OR7E24: variants seen among roughly 807,000 people sequenced by gnomAD.
OR7E24 encodes olfactory receptor 7E24.
For synonymous variants in OR7E24, 130 were observed against 157.5 expected (o/e 0.83, Z 1.31); for missense variants, 385 against 410.3 (o/e 0.94, Z 0.53).
At chr19:9,211,846 T>G in the OR7E24 span, 1 of 150,574 alleles carries the variant, frequency 6.6e-6, no homozygotes, top group Non-Finnish European at 1.5e-5. Context: ...TTTATTTACA[T>G]GGTTCATTCA....
chr19:9,206,837 G>A, the OR7E24 span: 1 of 152,138 alleles, frequency 6.6e-6, no homozygotes, highest in African/African-American at 2.4e-5. Flanking sequence ...TATGTGTGAC[G>A]AACTTGTTCA....
At chr19:9,231,288 A>G in the OR7E24 span, among the ~76,000 whole-genome samples, 70 of 151,440 alleles carry the variant, frequency 4.6e-4, no homozygotes, top group African/African-American at 1.7e-3. Context: ...ACTAGGTTAA[A>G]TTGTCCTTGG....
At chr19:9,207,443 C>T in the OR7E24 span, 7 of 152,106 alleles carry the variant, frequency 4.6e-5, no homozygotes, top group African/African-American at 1.7e-4. Context: ...CATGTTCCCA[C>T]TCATACCTAT....
chr19:9,211,495 G>T, the OR7E24 span: 1 of 152,184 alleles, frequency 6.6e-6, no homozygotes, highest in Non-Finnish European at 1.5e-5. Flanking sequence ...TACAGGCAAG[G>T]AGTATAGAAA....
chr19:9,237,978 A>G, the OR7E24 span, among the ~76,000 whole-genome samples: 4 of 152,090 alleles, frequency 2.6e-5, no homozygotes, highest in Non-Finnish European at 4.4e-5. Context: ...TACTTTTTTA[A>G]AAAAACAACT....
At chr19:9,243,073 C>G (rs1377707216), upstream of OR7E24, among the ~76,000 whole-genome samples, 1 of 152,098 alleles carries the variant, frequency 6.6e-6, no homozygotes, top group African/African-American at 2.4e-5. Flanking sequence ...CTGAGACTTT[C>G]TGGAGATGTC....
chr19:9,223,752 T>A, the OR7E24 span, among the ~76,000 whole-genome samples: 1 of 137,698 alleles, frequency 7.3e-6, no homozygotes, highest in East Asian at 2.1e-4. Context: ...TTTTTTTTTT[T>A]AATAGTACAG....
chr19:9,214,850 T>C, the OR7E24 span: 4 of 1,556,858 alleles, frequency 2.6e-6, no homozygotes, highest in Non-Finnish European at 3.5e-6. Context: ...AGCTGTTGTG[T>C]CTGCTGGGGA....
At chr19:9,245,656 A>C (rs2066127139), upstream of OR7E24, among the ~76,000 whole-genome samples, 1 of 152,238 alleles carries the variant, frequency 6.6e-6, no homozygotes. Context: ...ACATGGACAC[A>C]AACAATGGTC....
chr19:9,241,332 G>A, the OR7E24 span, among the ~76,000 whole-genome samples: 1 of 152,196 alleles, frequency 6.6e-6, no homozygotes, highest in Non-Finnish European at 1.5e-5. Context: ...TTATAAAAAG[G>A]TCACAAAGGC....
chr19:9,213,100 C>G, the OR7E24 span: 1 of 152,164 alleles, frequency 6.6e-6, no homozygotes, highest in South Asian at 2.1e-4. Context: ...TGTAAAGCAA[C>G]AAGCACTGTC....
chr19:9,241,172 A>G, the OR7E24 span, among the ~76,000 whole-genome samples: 1 of 152,282 alleles, frequency 6.6e-6, no homozygotes, highest in Non-Finnish European at 1.5e-5. Flanking sequence ...GTAGGGTTCA[A>G]TCTACTTTCC....
the OR7E24 span, among the ~76,000 whole-genome samples, chr19:9,227,185 G>T: frequency 2.0e-5 from 3 of 151,818 alleles, no homozygotes; most frequent in African/African-American, 7.3e-5. Context: ...TAAGGATAAT[G>T]GCCTCCAGCT....
At chr19:9,222,382 G>T in the OR7E24 span, among the ~76,000 whole-genome samples, 1 of 152,154 alleles carries the variant, frequency 6.6e-6, no homozygotes, top group African/African-American at 2.4e-5. Flanking sequence ...TCTGTAGATT[G>T]CTTTGGATAG....
chr19:9,250,285 G>A (rs1045586703), upstream of OR7E24, among the ~76,000 whole-genome samples: 4 of 151,940 alleles, frequency 2.6e-5, no homozygotes, highest in Admixed American at 2.6e-4. Flanking sequence ...TGTAAAGATG[G>A]GGTTTTGCTG....
chr19:9,223,819 C>T, the OR7E24 span, among the ~76,000 whole-genome samples: 4 of 150,090 alleles, frequency 2.7e-5, no homozygotes, highest in South Asian at 2.1e-4. Context: ...GGTGTTGGTG[C>T]GATAATGGTG....
At chr19:9,218,753 C>T in the OR7E24 span, among the ~76,000 whole-genome samples, 2 of 152,108 alleles carry the variant, frequency 1.3e-5, no homozygotes, top group Admixed American at 6.5e-5. Context: ...CTCAGTCTCC[C>T]GAGTAACTGG....
chr19:9,240,288 TTTGCCTTTG>T, the OR7E24 span, among the ~76,000 whole-genome samples: 2 of 152,230 alleles, frequency 1.3e-5, no homozygotes, highest in Non-Finnish European at 2.9e-5. Context: ...TTTTTCTGTT[TTTGCCTTTG>T]TTGCTTGTGT....
the OR7E24 span, among the ~76,000 whole-genome samples, chr19:9,232,408 T>C: frequency 6.6e-6 from 1 of 151,732 alleles, no homozygotes; most frequent in African/African-American, 2.4e-5. Flanking sequence ...CGTGGTGGTG[T>C]GCGCCTGTAG....
Sources: allele counts gnomAD v4.1 joint callset (sites outside exome capture counted in the v4.1 genomes callset), GRCh38; gene constraint gnomAD v4.1.1; transcripts MANE v1.5; gene names NCBI Gene and HGNC (gene_info 2026-07-23, HGNC 2026-07-21).